PTPN13: variants seen among roughly 807,000 people sequenced by gnomAD.
PTPN13 encodes the protein protein tyrosine phosphatase non-receptor type 13, also known as tyrosine-protein phosphatase non-receptor type 13.
A neutral mutation model predicts 284.0 loss-of-function variants in PTPN13; 191 were observed. The observed-to-expected ratio is 0.67, with a 90% confidence interval of 0.60 to 0.76. PTPN13 has a LOEUF of 0.76. Ranked by LOEUF, PTPN13 falls within the 30% of genes least tolerant of loss-of-function variation. The pLI is 0.00. For missense variants in PTPN13, 2,797 were observed against 2,939.9 expected, an observed-to-expected ratio of 0.95 and a Z score of 1.12; for synonymous variants, 986 against 1,022.3, an observed-to-expected ratio of 0.96 and a Z score of 0.68.
intron 10 of PTPN13, among the ~76,000 whole-genome samples, chr4:86,727,884 C>G (rs963489461): frequency 6.7e-6 from 1 of 149,316 alleles, no homozygotes; most frequent in African/African-American, 2.4e-5. Context: ...TCTTGCTTCT[C>G]TAGTTCTTTT....
Position 86,742,447 on chromosome 4 carries a change from T to A in PTPN13, c.2487+631T>A, listed in dbSNP as rs180988087. The stretch of plus-strand genomic sequence containing the variant: ...TCCATTGGCAGACTTCAGAGATGAA[T>A]AAAAAATATTAATATGTTCAGGTGT... On this transcript the variant is annotated intron_variant, in intron 16 of 47. Transcript: ENST00000411767. Among the ~76,000 whole-genome samples the A allele has an allele frequency of 2.0e-5, 3 of 152,298 alleles. No homozygotes were observed. In the East Asian group the frequency reaches 5.8e-4, roughly 29 times the overall value.
intron 5 of PTPN13, among the ~76,000 whole-genome samples, chr4:86,692,910 T>C (rs1408308108): frequency 6.6e-6 from 1 of 151,892 alleles, no homozygotes; most frequent in Admixed American, 6.6e-5. Context: ...TGAAACCCTG[T>C]CTCTACTTAA....
intron 1 of PTPN13, among the ~76,000 whole-genome samples, chr4:86,625,578 G>A (rs1721741605): frequency 6.6e-6 from 1 of 152,032 alleles, no homozygotes; most frequent in African/African-American, 2.4e-5. Context: ...TTGTGTGTAT[G>A]TGTGTGTGTT....
chr4:86,712,065 C>T (rs977728972), intron 7 of PTPN13, among the ~76,000 whole-genome samples: 24 of 152,034 alleles, frequency 1.6e-4, no homozygotes, highest in African/African-American at 5.8e-4. Context: ...ATTCATTATA[C>T]TCTTTATTTT....
At position 86,763,407 on chromosome 4, in the gene PTPN13, A is replaced by G. The variant is rs572608574; in HGVS notation, c.4017+217A>G. Among the ~76,000 whole-genome samples, 23 of 152,348 alleles carry G rather than the reference A, an allele frequency of 1.5e-4. No individual in the cohort carries two copies. In the South Asian group the frequency reaches 2.3e-3, roughly 15 times the overall value. On this transcript the variant is annotated intron_variant, in intron 24 of 47. Transcript: ENST00000411767. Reference sequence around the variant, plus strand: ...ATGGCTATGACTTTGCAAACTTGCTATCTAATAACCCAAAGAAGGAATATG... The same window carrying G: ...ATGGCTATGACTTTGCAAACTTGCTGTCTAATAACCCAAAGAAGGAATATG...
chr4:86,807,552 A>G lies in PTPN13; in HGVS notation c.6746-8A>G, dbSNP rs1230980136. The G allele has an allele frequency of 6.3e-7, 1 of 1,590,314 alleles. No homozygotes were observed. Among genetic ancestry groups the G allele is most frequent in the Non-Finnish European group, 8.6e-7 (1 of 1,165,868 alleles). On this transcript the variant is annotated splice_region_variant and splice_polypyrimidine_tract_variant and intron_variant, in intron 44 of 47. Coordinates refer to ENST00000411767, the MANE Select transcript of PTPN13 (RefSeq NM_080683.3). Reference sequence around the variant, plus strand: ...GGATGGCTCTGTTTTGTGGTGGAAAATTCACAGATGATGCTACAAGAGTGC... The same window carrying G: ...GGATGGCTCTGTTTTGTGGTGGAAAGTTCACAGATGATGCTACAAGAGTGC...
At chr4:86,646,666 A>G (rs955281545) in intron 2 of PTPN13, among the ~76,000 whole-genome samples, 5 of 152,240 alleles carry the variant, frequency 3.3e-5, no homozygotes, top group Non-Finnish European at 4.4e-5. Flanking sequence ...TGGGAAACTG[A>G]CAGTTTCTTT....
At chr4:86,722,517 A>G in intron 10 of PTPN13, 83 bp downstream of exon 10, 1 of 1,146,430 alleles carries the variant, frequency 8.7e-7, no homozygotes, top group South Asian at 1.3e-5. Flanking sequence ...AAATTGCTAC[A>G]GGTATCCATC....
At position 86,775,303 on chromosome 4, in the gene PTPN13, C is replaced by G. The variant is rs1337637031; in HGVS notation, c.5641C>G (p.Leu1881Val). 1.2e-6 allele frequency: 2 copies of G among 1,612,992 alleles called. No individual in the cohort carries two copies. The highest frequency in any genetic ancestry group is 2.7e-5 in the African/African-American group (2 of 74,896). ...CAGAATACCAATGTTGCCTCATTTG[C>G]TACCGGACATAACACTAACGTGCAA... ...LPRIPMLPHLLPDITLTCNKE... is the reference protein window; with the variant it reads ...LPRIPMLPHLVPDITLTCNKE... The change falls in exon 34 of 48, where the codon CTA becomes GTA. Residue 1881 changes from leucine to valine, a missense_variant. Physicochemically the swap from Leu to Val is conservative, Grantham distance 32. Coordinates refer to ENST00000411767, the MANE Select transcript of PTPN13 (RefSeq NM_080683.3).
rs1017074460 is a variant in PTPN13 at position 86,655,891 on chromosome 4, G to T, written c.116-16474G>T. 9.9e-5 allele frequency among the ~76,000 whole-genome samples: 15 copies of T among 152,194 alleles called. 1 individual carries two copies. Among genetic ancestry groups the T allele is most frequent in the Admixed American group, 9.2e-4 (14 of 15,284 alleles). On this transcript the variant is annotated intron_variant, in intron 2 of 47. Transcript: ENST00000411767. ...CTTTCAGGTACACCAATCAGACGTAGATTTGGTCTTTTGACATAGTTCCAT... is the reference window on the plus strand; with the variant it reads ...CTTTCAGGTACACCAATCAGACGTATATTTGGTCTTTTGACATAGTTCCAT...
chr4:86,688,949 T>G (rs1729732734), intron 4 of PTPN13, 56 bp from the exon 5 acceptor site: 3 of 1,387,062 alleles, frequency 2.2e-6, no homozygotes, highest in Non-Finnish European at 2.0e-6. Flanking sequence ...ATTTGTCTCA[T>G]TAGAAAAAAT....
At chr4:86,716,721 A>G in intron 8 of PTPN13, 96 bp downstream of exon 8, 1 of 974,402 alleles carries the variant, frequency 1.0e-6, no homozygotes. Flanking sequence ...TGCCAGAAAG[A>G]ATAATACTGT....
intron 1 of PTPN13, among the ~76,000 whole-genome samples, chr4:86,595,364 ACT>A (rs1010957334): frequency 3.3e-5 from 5 of 150,588 alleles, no homozygotes; most frequent in Non-Finnish European, 5.9e-5. Context: ...TAAAGTTAAC[ACT>A]CTACCCTCCG....
intron 25 of PTPN13, among the ~76,000 whole-genome samples, chr4:86,764,985 T>C (rs1445851043): frequency 6.6e-6 from 1 of 152,220 alleles, no homozygotes; most frequent in African/African-American, 2.4e-5. Context: ...AACTTGCAAA[T>C]TGTAAAATTA....
At chr4:86,763,563 T>C (rs140200948) in intron 24 of PTPN13, among the ~76,000 whole-genome samples, 34 of 152,330 alleles carry the variant, frequency 2.2e-4, no homozygotes, top group Admixed American at 7.8e-4. Context: ...TCACTATTTA[T>C]AGTCTAAATT....
intron 1 of PTPN13, among the ~76,000 whole-genome samples, chr4:86,630,954 ATAC>A (rs1722403641): frequency 6.6e-6 from 1 of 152,160 alleles, no homozygotes. Context: ...CATGTCAGTA[ATAC>A]CTGTGTTAAC....
chr4:86,720,403 A>G (rs960061837), intron 9 of PTPN13, among the ~76,000 whole-genome samples: 11 of 151,994 alleles, frequency 7.2e-5, no homozygotes, highest in Non-Finnish European at 1.5e-4. Flanking sequence ...CTTTTTTTTC[A>G]TACTTCATGG....
intron 10 of PTPN13, among the ~76,000 whole-genome samples, chr4:86,723,986 A>G (rs1733956356): frequency 6.6e-6 from 1 of 152,184 alleles, no homozygotes; most frequent in South Asian, 2.1e-4. Context: ...CCTTCACAGT[A>G]TTCTAAGGAG....
intron 6 of PTPN13, among the ~76,000 whole-genome samples, chr4:86,694,160 A>C (rs533332806): frequency 6.6e-6 from 1 of 152,110 alleles, no homozygotes; most frequent in East Asian, 1.9e-4. Context: ...ATCAAATACT[A>C]CCTTAGGTCA....
Sources: allele counts gnomAD v4.1 joint callset (sites outside exome capture counted in the v4.1 genomes callset), GRCh38; gene constraint gnomAD v4.1.1; transcripts MANE v1.5; gene names NCBI Gene and HGNC (gene_info 2026-07-23, HGNC 2026-07-21).